Variants in ZC3H12B observed in about 807,000 individuals in gnomAD.
The protein encoded by ZC3H12B is zinc finger CCCH-type containing 12B.
A neutral mutation model predicts 43.9 loss-of-function variants in ZC3H12B; 7 were observed. That is an observed-to-expected ratio of 0.16 (90% CI 0.09 to 0.30). The LOEUF is 0.30. ZC3H12B is among the 10% of genes least tolerant of loss of function. The pLI is 1.00. For missense variants in ZC3H12B, 475 were observed against 670.2 expected (o/e 0.71, Z 3.22); for synonymous variants, 222 against 241.7 (o/e 0.92, Z 0.76).
chrX:65,160,485 C>T, the ZC3H12B span, among the ~76,000 whole-genome samples: 9 of 111,595 alleles, frequency 8.1e-5, no homozygotes, highest in African/African-American at 2.9e-4. Context: ...GTGGTTTAGT[C>T]TTGGGAGGTT....
chrX:65,377,741 T>A (rs774782661), intron 2 of ZC3H12B, among the ~76,000 whole-genome samples: 1 of 111,389 alleles, frequency 9.0e-6, no homozygotes, highest in Non-Finnish European at 1.9e-5. Flanking sequence ...ACACCACACT[T>A]ACCCTACATC....
the ZC3H12B span, among the ~76,000 whole-genome samples, chrX:65,201,130 C>T: frequency 1.7e-4 from 19 of 111,765 alleles, no homozygotes; most frequent in East Asian, 2.5e-3. Flanking sequence ...AGCTCTTCTT[C>T]GTACCTCTGG....
chrX:65,298,317 C>A, the ZC3H12B span, among the ~76,000 whole-genome samples: 1 of 111,300 alleles, frequency 9.0e-6, no homozygotes, highest in Non-Finnish European at 1.9e-5. Flanking sequence ...AGAATCCCAT[C>A]AAGAGAATTT....
At chrX:65,258,173 A>G in the ZC3H12B span, among the ~76,000 whole-genome samples, 1 of 111,545 alleles carries the variant, frequency 9.0e-6, no homozygotes, top group South Asian at 3.8e-4. Flanking sequence ...CAGCACATCA[A>G]AAAGTTAATC....
the ZC3H12B span, among the ~76,000 whole-genome samples, chrX:65,156,332 C>T: frequency 9.0e-6 from 1 of 111,415 alleles, no homozygotes; most frequent in Non-Finnish European, 1.9e-5. Context: ...TCTCGAGCAG[C>T]TGGTACTATC....
chrX:65,167,262 G>C, the ZC3H12B span, among the ~76,000 whole-genome samples: 1 of 111,784 alleles, frequency 8.9e-6, no homozygotes, highest in Non-Finnish European at 1.9e-5. Flanking sequence ...TCTACATATG[G>C]CTAGCCAGTT....
chrX:65,345,489 A>G, the ZC3H12B span, among the ~76,000 whole-genome samples: 1 of 111,697 alleles, frequency 9.0e-6, no homozygotes, highest in Non-Finnish European at 1.9e-5. Flanking sequence ...AATTTGAGCT[A>G]AATGATAACA....
the ZC3H12B span, among the ~76,000 whole-genome samples, chrX:65,141,747 T>C: frequency 9.0e-6 from 1 of 111,303 alleles, no homozygotes; most frequent in Non-Finnish European, 1.9e-5. Flanking sequence ...CTCCCACATA[T>C]GAATGAGAAC....
the ZC3H12B span, among the ~76,000 whole-genome samples, chrX:65,215,903 G>T: frequency 2.7e-5 from 3 of 111,357 alleles, no homozygotes; most frequent in East Asian, 8.6e-4. Context: ...ATATATTTTT[G>T]TCTCAGGGAA....
At chrX:65,173,282 A>C in the ZC3H12B span, among the ~76,000 whole-genome samples, 1 of 112,091 alleles carries the variant, frequency 8.9e-6, no homozygotes, top group Non-Finnish European at 1.9e-5. Flanking sequence ...GTATCCTGAC[A>C]CTTTGCTGAA....
At chrX:65,389,981 A>G (rs1213362186) in intron 2 of ZC3H12B, among the ~76,000 whole-genome samples, 1 of 112,179 alleles carries the variant, frequency 8.9e-6, no homozygotes, top group Admixed American at 9.4e-5. Flanking sequence ...GGCACTATTC[A>G]CAATAGCAAA....
the ZC3H12B span, among the ~76,000 whole-genome samples, chrX:65,196,164 G>A: frequency 1.0e-5 from 1 of 99,891 alleles, no homozygotes; most frequent in Non-Finnish European, 2.0e-5. Context: ...AAGGTGCGCT[G>A]CCTCAGCTGG....
the ZC3H12B span, among the ~76,000 whole-genome samples, chrX:65,114,944 T>TTTTTTTTTTTTTTTC: frequency 1.0e-5 from 1 of 97,579 alleles, no homozygotes; most frequent in African/African-American, 3.8e-5. Context: ...TTTTTTTTTT[T>TTTTTTTTTTTTTTTC]ACTTTCCACA....
the ZC3H12B span, among the ~76,000 whole-genome samples, chrX:65,276,107 A>T: frequency 1.8e-5 from 2 of 111,336 alleles, no homozygotes; most frequent in Non-Finnish European, 3.8e-5. Flanking sequence ...AGGTTTTCTG[A>T]ACTTGTAGAT....
the ZC3H12B span, among the ~76,000 whole-genome samples, chrX:65,202,095 A>G: frequency 1.1e-5 from 1 of 94,259 alleles, no homozygotes; most frequent in Non-Finnish European, 2.1e-5. Flanking sequence ...TATGTAATAT[A>G]TATATTTTAT....
the ZC3H12B span, among the ~76,000 whole-genome samples, chrX:65,182,275 G>A: frequency 3.6e-5 from 4 of 110,808 alleles, no homozygotes; most frequent in Non-Finnish European, 7.6e-5. Flanking sequence ...AGGGGAGGGA[G>A]AGCATTAGGA....
chrX:65,104,255 T>C, the ZC3H12B span, among the ~76,000 whole-genome samples: 3 of 112,108 alleles, frequency 2.7e-5, no homozygotes, highest in East Asian at 5.6e-4. Context: ...TTACACCTTA[T>C]GCAAAAATTA....
chrX:65,273,412 GA>G, the ZC3H12B span, among the ~76,000 whole-genome samples: 4 of 106,454 alleles, frequency 3.8e-5, no homozygotes, highest in African/African-American at 3.4e-5. Flanking sequence ...TGTCTGAATA[GA>G]AAAAAAAAGG....
At chrX:65,197,675 A>G in the ZC3H12B span, among the ~76,000 whole-genome samples, 1 of 112,289 alleles carries the variant, frequency 8.9e-6, no homozygotes, top group African/African-American at 3.2e-5. Flanking sequence ...TTTTACCTAC[A>G]AAAATAGTTT....
Sources: gnomAD v4.1 joint callset for allele counts (sites outside exome capture counted in the v4.1 genomes callset) on GRCh38, gnomAD v4.1.1 for gene constraint, MANE v1.5 for transcripts, NCBI Gene and HGNC (gene_info 2026-07-23, HGNC 2026-07-21) for gene names.